Variants in FMN2 observed in about 807,000 individuals in gnomAD.
FMN2 encodes formin-2.
In FMN2, 51 loss-of-function variants were observed where a neutral mutation model predicts 142.3. The observed-to-expected ratio is 0.36, with a 90% CI of 0.29 to 0.45. The LOEUF (loss-of-function observed/expected upper bound fraction) is 0.45. FMN2 is among the 20% of genes least tolerant of loss of function. The pLI is 1.00. For synonymous variants in FMN2, 882 were observed against 869.8 expected, an observed-to-expected ratio of 1.01 and a Z score of -0.25; for missense variants, 1,936 against 2,122.8, an observed-to-expected ratio of 0.91 and a Z score of 1.73.
intron 16 of FMN2, among the ~76,000 whole-genome samples, chr1:240,439,694 G>A (rs1675540556): frequency 6.6e-6 from 1 of 152,206 alleles, no homozygotes; most frequent in Non-Finnish European, 1.5e-5. Context: ...ATTATATGCA[G>A]GTGGGGTAGA....
At chr1:240,194,573 C>A (rs932749635) in intron 4 of FMN2, among the ~76,000 whole-genome samples, 1 of 152,138 alleles carries the variant, frequency 6.6e-6, no homozygotes, top group Non-Finnish European at 1.5e-5. Flanking sequence ...TGAGATTAGG[C>A]CAGCTGTGTC....
chr1:240,149,835 T>G (rs1436818397), intron 2 of FMN2, among the ~76,000 whole-genome samples: 2 of 152,176 alleles, frequency 1.3e-5, no homozygotes, highest in African/African-American at 4.8e-5. Flanking sequence ...AATCAAAAAT[T>G]CTTTGAGGTA....
In FMN2 at chr1:240,355,837, A is replaced by G; in HGVS notation, c.4787A>G (p.Lys1596Arg). The change falls in exon 14 of 18, where the codon AAA becomes AGA. Residue 1596 changes from lysine to arginine, a missense_variant. Around this residue, in one of 8 missense-constraint regions of FMN2, gnomAD observed 322 missense variants for 401.6 expected, o/e 0.80. Coordinates refer to ENST00000319653, the MANE Select transcript of FMN2 (RefSeq NM_020066.5). Reference sequence around the variant, plus strand: ...TCAGCCTGTGAAGTTGAAGCAGGGAAAGTATACCAGGTCTCCTCAAAAGAG... The same window carrying G: ...TCAGCCTGTGAAGTTGAAGCAGGGAGAGTATACCAGGTCTCCTCAAAAGAG... The part of the protein sequence containing the change: ...DLKACEVEAG[K>R]VYQVSSKEHM... The G allele has an allele frequency of 6.2e-7, 1 of 1,612,182 alleles. No homozygotes were observed.
chr1:240,093,370 AC>A lies in FMN2; in HGVS notation c.1263del (p.Thr422ProfsTer30). On this transcript the variant is annotated frameshift_variant, in exon 1 of 18. Transcript: ENST00000319653. LOFTEE classifies it high-confidence loss of function. ...YPLITPCYIK[T>X]TTRQLSSPNH... ...GCTCATCACCCCCTGCTACATCAAG[AC>A]CACCACCCGGCAGCTCAGCTCGCCC... is the stretch of plus-strand genomic sequence containing the variant. The A allele has an allele frequency of 6.2e-7, 1 of 1,612,316 alleles. No homozygotes were observed. The highest frequency in any genetic ancestry group is 8.5e-7 in the Non-Finnish European group (1 of 1,179,416).
Position 240,392,632 on chromosome 1 carries a change from C to A in FMN2, c.4910+70C>A. On this transcript the variant is annotated intron_variant, in intron 15 of 17. Coordinates refer to ENST00000319653, the MANE Select transcript of FMN2 (RefSeq NM_020066.5). ...CTAAGTGTATTTCATCTTAAGGAAC[C>A]AATTTTTAGTTCAATTTTAATTTTC... The A allele has an allele frequency of 7.5e-6, 9 of 1,196,622 alleles. No homozygotes were observed. In the South Asian group the frequency reaches 1.2e-4, roughly 16 times the overall value. 74.1% of individuals were successfully genotyped at this position (1,196,622 alleles called of 1,614,324 possible).
chr1:240,293,689 A>C (rs1669867992), intron 7 of FMN2, among the ~76,000 whole-genome samples: 1 of 152,120 alleles, frequency 6.6e-6, no homozygotes, highest in African/African-American at 2.4e-5. Flanking sequence ...TATGTATTTC[A>C]CACCTAATTT....
chr1:240,424,524 A>C (rs1674872118), intron 15 of FMN2, among the ~76,000 whole-genome samples: 1 of 152,208 alleles, frequency 6.6e-6, no homozygotes, highest in African/African-American at 2.4e-5. Flanking sequence ...TGCTTTCCTT[A>C]ACTTCTCTGT....
intron 1 of FMN2, among the ~76,000 whole-genome samples, chr1:240,104,028 C>T (rs1661511744): frequency 6.6e-6 from 1 of 151,690 alleles, no homozygotes; most frequent in South Asian, 2.1e-4. Flanking sequence ...AGGCGCCCGC[C>T]ACCTCGCCTG....
chr1:240,368,271 A>G (rs1287152071), intron 14 of FMN2, among the ~76,000 whole-genome samples: 1 of 152,214 alleles, frequency 6.6e-6, no homozygotes, highest in Non-Finnish European at 1.5e-5. Flanking sequence ...AAACAAAACT[A>G]TTAGGATTCT....
chr1:240,359,749 C>A (rs1372205372), intron 14 of FMN2, among the ~76,000 whole-genome samples: 2 of 152,146 alleles, frequency 1.3e-5, no homozygotes, highest in Non-Finnish European at 2.9e-5. Flanking sequence ...AGATATGTAC[C>A]CTCCTTGAGA....
chr1:240,136,317 G>A (rs887022991), intron 2 of FMN2, among the ~76,000 whole-genome samples: 2 of 152,058 alleles, frequency 1.3e-5, no homozygotes, highest in African/African-American at 2.4e-5. Flanking sequence ...TTATTCCCCC[G>A]ATCATGAAGT....
At chr1:240,441,596 T>A (rs1047149855) in intron 16 of FMN2, among the ~76,000 whole-genome samples, 1 of 151,148 alleles carries the variant, frequency 6.6e-6, no homozygotes, top group Non-Finnish European at 1.5e-5. Context: ...TTTTTGATAT[T>A]TGCATATTGG....
chr1:240,419,817 C>G (rs1466251501), intron 15 of FMN2, among the ~76,000 whole-genome samples: 1 of 152,120 alleles, frequency 6.6e-6, no homozygotes, highest in South Asian at 2.1e-4. Context: ...GTTCTGGGAA[C>G]TGATCAAGGA....
intron 7 of FMN2, among the ~76,000 whole-genome samples, chr1:240,273,931 A>G (rs138133712): frequency 7.2e-5 from 11 of 152,226 alleles, no homozygotes; most frequent in African/African-American, 2.2e-4. Flanking sequence ...AGGGTGTATG[A>G]GAGTGACTGA....
intron 8 of FMN2, among the ~76,000 whole-genome samples, chr1:240,328,582 T>C: frequency 7.8e-6 from 1 of 127,518 alleles, no homozygotes. Flanking sequence ...TTTATTTATT[T>C]ATTTATTTAT....
chr1:240,124,448 A>G (rs981229978), intron 2 of FMN2, among the ~76,000 whole-genome samples: 1 of 152,214 alleles, frequency 6.6e-6, no homozygotes, highest in South Asian at 2.1e-4. Context: ...TTCACCAGGC[A>G]TATTCACAAT....
intron 15 of FMN2, among the ~76,000 whole-genome samples, chr1:240,427,360 C>G (rs564735816): frequency 6.6e-6 from 1 of 151,914 alleles, no homozygotes; most frequent in Non-Finnish European, 1.5e-5. Context: ...CGCCCGCCAC[C>G]GCGCCCAGCT....
At chr1:240,396,477 T>C (rs549603720) in intron 15 of FMN2, among the ~76,000 whole-genome samples, 1 of 152,030 alleles carries the variant, frequency 6.6e-6, no homozygotes, top group Non-Finnish European at 1.5e-5. Flanking sequence ...TTTTAACTTT[T>C]AGATTAAGGG....
intron 6 of FMN2, among the ~76,000 whole-genome samples, chr1:240,251,083 T>C (rs1668262332): frequency 1.3e-5 from 2 of 152,100 alleles, no homozygotes; most frequent in Non-Finnish European, 2.9e-5. Flanking sequence ...TTATTTTGTT[T>C]AGTTCTGTTC....
Sources: gnomAD v4.1 joint callset for allele counts (sites outside exome capture counted in the v4.1 genomes callset) on GRCh38, gnomAD v4.1.1 for gene constraint, gnomAD v4.1.1 regional missense constraint, MANE v1.5 for transcripts, NCBI Gene and HGNC (gene_info 2026-07-23, HGNC 2026-07-21) for gene names.